ALKAL1: variants seen among roughly 807,000 people sequenced by gnomAD.
The protein encoded by ALKAL1 is AUG-beta.
A neutral mutation model predicts 13.5 loss-of-function variants in ALKAL1; 23 were observed. The observed-to-expected ratio is 1.70, with a 90% confidence interval of 1.23 to 2.41. The LOEUF (loss-of-function observed/expected upper bound fraction) is 2.41. Ranked by LOEUF, ALKAL1 falls within the 30% of genes most tolerant of loss-of-function variation. The pLI is 0.00. For synonymous variants in ALKAL1, 85 were observed against 77.7 expected (o/e 1.09, Z -0.49); for missense variants, 181 against 178.4 (o/e 1.01, Z -0.08).
intron 3 of ALKAL1, among the ~76,000 whole-genome samples, chr8:52,539,065 T>C (rs1847289304): frequency 6.6e-6 from 1 of 152,138 alleles, no homozygotes; most frequent in Non-Finnish European, 1.5e-5. Context: ...GTGCTGGGAT[T>C]ACAGTCGTGA....
At chr8:52,550,395 C>T (rs1029964298) in intron 1 of ALKAL1, among the ~76,000 whole-genome samples, 2 of 151,832 alleles carry the variant, frequency 1.3e-5, no homozygotes, top group Admixed American at 1.3e-4. Context: ...TGGATAGACT[C>T]CCATTGGTAT....
At chr8:52,536,675 T>G (rs1847269559) in intron 4 of ALKAL1, among the ~76,000 whole-genome samples, 1 of 151,730 alleles carries the variant, frequency 6.6e-6, no homozygotes, top group Non-Finnish European at 1.5e-5. Flanking sequence ...ACCGAAGTTT[T>G]AAGACCTGGT....
intron 1 of ALKAL1, among the ~76,000 whole-genome samples, chr8:52,553,585 A>T (rs903532313): frequency 3.3e-5 from 5 of 152,168 alleles, no homozygotes; most frequent in African/African-American, 1.2e-4. Flanking sequence ...TTATAAATTC[A>T]GGTAGACAAA....
chr8:52,564,988 G>T, intron 1 of ALKAL1, 79 bp downstream of exon 1: 1 of 1,162,658 alleles, frequency 8.6e-7, no homozygotes, highest in Non-Finnish European at 1.1e-6. Context: ...CCCAAAGCGA[G>T]TGCCTCGCCC....
intron 1 of ALKAL1, among the ~76,000 whole-genome samples, chr8:52,556,571 C>T (rs560159396): frequency 1.5e-3 from 195 of 129,542 alleles, no homozygotes; most frequent in African/African-American, 5.5e-3. Context: ...GGCGTGAACC[C>T]GGGAGGCGGA....
chr8:52,550,459 C>G (rs186378702), intron 1 of ALKAL1, among the ~76,000 whole-genome samples: 1 of 152,302 alleles, frequency 6.6e-6, no homozygotes, highest in African/African-American at 2.4e-5. Context: ...GTTGCAAGCA[C>G]TTTCTCAAAC....
intron 3 of ALKAL1, 133 bp downstream of exon 3, chr8:52,539,698 T>C (rs1395193424): frequency 3.0e-6 from 2 of 668,176 alleles, no homozygotes; most frequent in African/African-American, 3.6e-5. Flanking sequence ...TCTGTCAGTG[T>C]TCTAAATCAG....
At chr8:52,550,719 T>C (rs1276106862) in intron 1 of ALKAL1, among the ~76,000 whole-genome samples, 1 of 152,180 alleles carries the variant, frequency 6.6e-6, no homozygotes, top group Non-Finnish European at 1.5e-5. Flanking sequence ...CAGCAATCCT[T>C]GGCATTCTTT....
intron 1 of ALKAL1, among the ~76,000 whole-genome samples, chr8:52,548,323 C>T (rs543876550): frequency 2.9e-4 from 43 of 149,660 alleles, no homozygotes; most frequent in African/African-American, 8.6e-4. Flanking sequence ...CCAGCCTGGG[C>T]GACAAGAGCG....
At chr8:52,541,479 A>C (rs1223047829) in intron 2 of ALKAL1, among the ~76,000 whole-genome samples, 1 of 152,054 alleles carries the variant, frequency 6.6e-6, no homozygotes, top group Non-Finnish European at 1.5e-5. Context: ...AAAAATAAAA[A>C]ATTTTTGGCC....
chr8:52,546,822 C>G (rs1395911951), intron 1 of ALKAL1, among the ~76,000 whole-genome samples: 1 of 152,116 alleles, frequency 6.6e-6, no homozygotes, highest in Non-Finnish European at 1.5e-5. Context: ...TGAGGGGCAC[C>G]CTTTCTGCAG....
intron 1 of ALKAL1, among the ~76,000 whole-genome samples, chr8:52,553,864 C>T (rs1053323310): frequency 3.3e-5 from 5 of 152,042 alleles, no homozygotes; most frequent in Non-Finnish European, 5.9e-5. Context: ...CTAGTTAATC[C>T]CCCTTCCAGA....
chr8:52,539,854 G>T lies in ALKAL1; in HGVS notation c.302C>A (p.Thr101Asn), dbSNP rs1309051058. 6.2e-6 allele frequency: 10 copies of T among 1,613,110 alleles called. No homozygotes were observed. In the South Asian group the frequency reaches 8.8e-5, roughly 14 times the overall value. ...SKHFHRLYYN[T>N]RECSTPAYYK... ...ACAAGCTGGCGTTGAGCACTCCCTGGTATTGTAATAGAGTCGGTGGAAATG... is the reference window on the plus strand; with the variant it reads ...ACAAGCTGGCGTTGAGCACTCCCTGTTATTGTAATAGAGTCGGTGGAAATG... Residue 101 changes from threonine to asparagine, a missense_variant, in exon 3 of 5, where the codon ACC becomes AAC. Physicochemically the swap from Thr to Asn is moderately conservative, Grantham distance 65. Coordinates refer to ENST00000358543, the MANE Select transcript of ALKAL1 (RefSeq NM_207413.4).
chr8:52,559,762 A>T (rs925650378), intron 1 of ALKAL1, among the ~76,000 whole-genome samples: 1 of 152,230 alleles, frequency 6.6e-6, no homozygotes, highest in Non-Finnish European at 1.5e-5. Flanking sequence ...AAGTTAGCTT[A>T]TGCCTCATAA....
intron 1 of ALKAL1, among the ~76,000 whole-genome samples, chr8:52,558,052 G>C (rs1418914224): frequency 2.0e-5 from 3 of 151,836 alleles, no homozygotes; most frequent in Admixed American, 6.6e-5. Context: ...CCAGCACTTT[G>C]GGAGGCTGAG....
Position 52,550,452 on chromosome 8 carries a change from G to T in ALKAL1, c.191-8007C>A, listed in dbSNP as rs138882680. ...GCTGCAGAGACAGAGTTGAGTAGTT[G>T]CAAGCACTTTCTCAAACTTTACATA... On this transcript the variant is annotated intron_variant, in intron 1 of 4. Transcript: ENST00000358543. Among the ~76,000 whole-genome samples, 46 of 152,246 alleles carry T rather than the reference G, an allele frequency of 3.0e-4. No individual in the cohort carries two copies. The East Asian group carries it at 6.9e-3, about 23-fold the overall frequency.
At chr8:52,564,479 G>A (rs1381107626) in intron 1 of ALKAL1, among the ~76,000 whole-genome samples, 2 of 152,048 alleles carry the variant, frequency 1.3e-5, no homozygotes, top group Non-Finnish European at 2.9e-5. Context: ...CACTCCCCTC[G>A]GGCATCTAAG....
chr8:52,559,770 T>A (rs1847521087), intron 1 of ALKAL1, among the ~76,000 whole-genome samples: 1 of 152,202 alleles, frequency 6.6e-6, no homozygotes, highest in Non-Finnish European at 1.5e-5. Flanking sequence ...TTATGCCTCA[T>A]AATGGTAGGA....
intron 4 of ALKAL1, among the ~76,000 whole-genome samples, chr8:52,535,925 C>T (rs940264877): frequency 8.6e-5 from 13 of 151,066 alleles, no homozygotes; most frequent in East Asian, 8.1e-4. Flanking sequence ...TAATCTTAGA[C>T]TACAAGTCCT....
Sources: allele counts gnomAD v4.1 joint callset (sites outside exome capture counted in the v4.1 genomes callset), GRCh38; gene constraint gnomAD v4.1.1; transcripts MANE v1.5; gene names NCBI Gene and HGNC (gene_info 2026-07-23, HGNC 2026-07-21).